RIMS2: variants seen among roughly 807,000 people sequenced by gnomAD.
RIMS2 encodes regulating synaptic membrane exocytosis 2.
Under a neutral mutation model 174.4 loss-of-function variants are expected in RIMS2, and 59 were observed. The ratio of observed to expected loss-of-function variants is 0.34; its 90% CI spans 0.27 to 0.42. The LOEUF (loss-of-function observed/expected upper bound fraction) is 0.42. Among genes scored for constraint, RIMS2 ranks in the 10% least tolerant of loss-of-function variants. The probability of loss-of-function intolerance (pLI) is 1.00; values close to 1 mark genes in which losing one functional copy is unlikely to be tolerated. For missense variants in RIMS2, 1,620 were observed against 1,666.3 expected, an observed-to-expected ratio of 0.97 and a Z score of 0.48; for synonymous variants, 606 against 572.5, an observed-to-expected ratio of 1.06 and a Z score of -0.84.
intron 19 of RIMS2, among the ~76,000 whole-genome samples, chr8:104,132,527 T>C (rs528682179): frequency 3.9e-5 from 6 of 152,202 alleles, no homozygotes; most frequent in Non-Finnish European, 7.4e-5. Flanking sequence ...CCAACCTTTT[T>C]TCTGACCTGC....
intron 19 of RIMS2, among the ~76,000 whole-genome samples, chr8:104,220,458 G>A (rs76004032): frequency 0.034 from 5,153 of 152,128 alleles, 199 homozygotes; most frequent in East Asian, 0.15. Flanking sequence ...CACTGATTCC[G>A]TTCTCAGACT....
chr8:103,885,293 C>T lies in RIMS2; in HGVS notation c.699-5C>T, dbSNP rs746511179. On this transcript the variant is annotated splice_region_variant and splice_polypyrimidine_tract_variant and intron_variant, in intron 3 of 23. Coordinates refer to ENST00000504942, the Ensembl canonical transcript of RIMS2. Reference sequence around the variant, plus strand: ...TCTCATTGTTCTTTTCCTTTGGTTACTTAGGAAAAGAAGCCCATCTGTGTC... The same window carrying T: ...TCTCATTGTTCTTTTCCTTTGGTTATTTAGGAAAAGAAGCCCATCTGTGTC... 2.2e-5 allele frequency: 35 copies of T among 1,555,698 alleles called. No homozygotes were observed. The highest frequency in any genetic ancestry group is 2.6e-5 in the Non-Finnish European group (30 of 1,149,784).
chr8:103,606,968 G>T (rs1418890626), intron 1 of RIMS2, among the ~76,000 whole-genome samples: 3 of 152,076 alleles, frequency 2.0e-5, no homozygotes, highest in East Asian at 3.9e-4. Flanking sequence ...TTGCCAGTCT[G>T]TGTCTTTTAA....
intron 19 of RIMS2, among the ~76,000 whole-genome samples, chr8:104,019,391 T>A (rs1319947820): frequency 6.6e-6 from 1 of 152,198 alleles, no homozygotes; most frequent in African/African-American, 2.4e-5. Flanking sequence ...CACTTTTTAT[T>A]TATGAATAAT....
At chr8:103,806,349 C>T (rs2098649803) in intron 3 of RIMS2, among the ~76,000 whole-genome samples, 1 of 152,062 alleles carries the variant, frequency 6.6e-6, no homozygotes, top group African/African-American at 2.4e-5. Context: ...CCCTTAGAAA[C>T]TATAACACTA....
intron 1 of RIMS2, among the ~76,000 whole-genome samples, chr8:103,606,610 C>G (rs1421610276): frequency 6.6e-6 from 1 of 152,090 alleles, no homozygotes; most frequent in Non-Finnish European, 1.5e-5. Context: ...GTGTTAAAGT[C>G]TCCCATTATT....
intron 3 of RIMS2, among the ~76,000 whole-genome samples, chr8:103,855,897 C>A (rs758207308): frequency 6.6e-6 from 1 of 151,986 alleles, no homozygotes; most frequent in African/African-American, 2.4e-5. Context: ...AAGTTTAAAT[C>A]CAGAATTTGC....
Position 103,989,297 on chromosome 8 carries a change from T to C in RIMS2, c.2928-8T>C. On this transcript the variant is annotated splice_region_variant and splice_polypyrimidine_tract_variant and intron_variant, in intron 16 of 23. Coordinates refer to ENST00000504942, the Ensembl canonical transcript of RIMS2. ...TACTAAGATATTGAATAGATCTTGT[T>C]GTTTTAGTCGGAATGTGGAACAGGG... 1 of 1,508,750 alleles carries C rather than the reference T, an allele frequency of 6.6e-7. No individual in the cohort carries two copies. Among genetic ancestry groups the C allele is most frequent in the Non-Finnish European group, 9.2e-7 (1 of 1,085,220 alleles). The allele number at this position is 1,508,750 out of a possible 1,614,324, so 93.5% of individuals were successfully genotyped here.
chr8:103,845,606 A>G (rs1220563148), intron 3 of RIMS2, among the ~76,000 whole-genome samples: 1 of 152,080 alleles, frequency 6.6e-6, no homozygotes, highest in Non-Finnish European at 1.5e-5. Flanking sequence ...ACCCAAACCC[A>G]GGTGCTCTTA....
Position 103,921,966 on chromosome 8 carries a change from TAA to T in RIMS2, c.2196+183_2196+184del, listed in dbSNP as rs576537857. 187 of 368,934 alleles carry T rather than the reference TAA, an allele frequency of 5.1e-4. No homozygotes were observed. The Middle Eastern group carries it at 5.3e-3, about 10-fold the overall frequency. The allele number at this position is 368,934 out of a possible 1,614,324, so 22.9% of individuals were successfully genotyped here. On this transcript the variant is annotated intron_variant, in intron 10 of 23. Coordinates refer to ENST00000504942, the Ensembl canonical transcript of RIMS2. ...TTATTTATCATACTGCTTCATTTATTAAGAGTTAGATTTACTGAAATTTAATA... is the reference window on the plus strand; with the variant it reads ...TTATTTATCATACTGCTTCATTTATTGAGTTAGATTTACTGAAATTTAATA...
At chr8:104,023,197 G>A (rs1243151296) in intron 19 of RIMS2, among the ~76,000 whole-genome samples, 2 of 152,032 alleles carry the variant, frequency 1.3e-5, no homozygotes, top group African/African-American at 4.8e-5. Flanking sequence ...AGCTAGAGGG[G>A]TGACTCATAT....
rs117795520 is a variant in RIMS2, at chr8:104,084,767, A to G, written c.3334+70152A>G. ...TTAATTATCATGGTAAATACTTACT[A>G]TATGTCAAGACCTGTGATCTCATTT... is the stretch of plus-strand genomic sequence containing the variant. On this transcript the variant is annotated intron_variant, in intron 19 of 23. Transcript: ENST00000504942. Among the ~76,000 whole-genome samples the G allele has an allele frequency of 9.3e-3, 1,412 of 152,264 alleles. 10 individuals are homozygous for G. Among genetic ancestry groups the G allele is most frequent in the Non-Finnish European group, 0.016 (1,065 of 68,010 alleles).
At chr8:103,574,827 C>T (rs943088058) in intron 1 of RIMS2, among the ~76,000 whole-genome samples, 2 of 152,158 alleles carry the variant, frequency 1.3e-5, no homozygotes, top group Non-Finnish European at 2.9e-5. Flanking sequence ...CAAATGTGTA[C>T]TTAATGATTA....
chr8:103,928,451 A>G (rs967197515), intron 11 of RIMS2, among the ~76,000 whole-genome samples: 10 of 151,572 alleles, frequency 6.6e-5, no homozygotes, highest in African/African-American at 2.4e-4. Context: ...AGTTGGATTT[A>G]TTTTGTTAAC....
At chr8:103,515,919 A>G (rs978919968) in intron 1 of RIMS2, among the ~76,000 whole-genome samples, 9 of 152,220 alleles carry the variant, frequency 5.9e-5, no homozygotes, top group South Asian at 2.1e-4. Flanking sequence ...TTTGCTGACT[A>G]TAGATTCATT....
chr8:104,084,288 A>G lies in RIMS2; in HGVS notation c.3334+69673A>G, dbSNP rs571825575. 8.5e-4 allele frequency among the ~76,000 whole-genome samples: 129 copies of G among 152,082 alleles called. No individual in the cohort carries two copies. In the Middle Eastern group the frequency reaches 0.01, roughly 12 times the overall value. On this transcript the variant is annotated intron_variant, in intron 19 of 23. Transcript: ENST00000504942. ...AAACACCATCTCTACTAAAAATACA[A>G]AAATTAGCCGGGTGTGGTGGCAGGC... is the stretch of plus-strand genomic sequence containing the variant.
intron 19 of RIMS2, among the ~76,000 whole-genome samples, chr8:104,205,512 C>T (rs200786251): frequency 1.1e-3 from 106 of 96,480 alleles, no homozygotes; most frequent in African/African-American, 2.9e-3. Flanking sequence ...TGTGTGTGTG[C>T]GCGCACATAC....
At chr8:104,112,800 G>A (rs1599164106) in intron 19 of RIMS2, among the ~76,000 whole-genome samples, 1 of 152,246 alleles carries the variant, frequency 6.6e-6, no homozygotes, top group African/African-American at 2.4e-5. Context: ...GCACAGCACA[G>A]GTCCTCAGCA....
Position 103,864,887 on chromosome 8 carries a change from G to A in RIMS2, c.699-20411G>A, listed in dbSNP as rs182312149. On this transcript the variant is annotated intron_variant, in intron 3 of 23. Coordinates refer to ENST00000504942, the Ensembl canonical transcript of RIMS2. ...CATTTATTATTTAAAAGTTATTTTG[G>A]AAAAGCAAAATAAACTCCTTAAGAT... Among the ~76,000 whole-genome samples the A allele has an allele frequency of 7.2e-4, 109 of 152,058 alleles. 1 individual carries two copies. The highest frequency in any genetic ancestry group is 4.1e-3 in the Admixed American group (63 of 15,272).
Sources: allele counts gnomAD v4.1 joint callset (sites outside exome capture counted in the v4.1 genomes callset), GRCh38; gene constraint gnomAD v4.1.1; transcripts MANE v1.5; gene names NCBI Gene and HGNC (gene_info 2026-07-23, HGNC 2026-07-21).